The following MCTP1 variants were observed in gnomAD, a reference collection of about 807,000 sequenced individuals.
MCTP1 encodes the protein multiple C2 and transmembrane domain-containing protein 1.
MCTP1 carries 69 observed loss-of-function variants against 120.6 expected under a neutral mutation model. The observed-to-expected ratio is 0.57, with a 90% CI of 0.47 to 0.70. The LOEUF (loss-of-function observed/expected upper bound fraction) is 0.70, where lower values mean the gene tolerates loss of function less well. Ranked by LOEUF, MCTP1 falls within the 30% of genes least tolerant of loss-of-function variation. The pLI is 0.00. For synonymous variants in MCTP1, 529 were observed against 493.1 expected (o/e 1.07, Z -0.96); for missense variants, 1,203 against 1,248.8 (o/e 0.96, Z 0.55).
In MCTP1 at chr5:95,136,619, C is replaced by G. The variant is rs190348861; in HGVS notation, c.721-119135G>C. Among the ~76,000 whole-genome samples, 96 of 152,264 alleles carry G rather than the reference C, an allele frequency of 6.3e-4. 1 individual carries two copies. Among genetic ancestry groups the G allele is most frequent in the African/African-American group, 2.2e-3 (90 of 41,542 alleles). ...AGAGAGAAGAGTGAGAGAAGACGCTCTAGCTCACAATAGAGTTTACAATGT... is the reference window on the plus strand; with the variant it reads ...AGAGAGAAGAGTGAGAGAAGACGCTGTAGCTCACAATAGAGTTTACAATGT... On this transcript the variant is annotated intron_variant, in intron 1 of 22. Coordinates refer to ENST00000515393, the MANE Select transcript of MCTP1 (RefSeq NM_024717.7).
chr5:95,064,887 AT>A (rs1284412786), intron 1 of MCTP1, among the ~76,000 whole-genome samples: 2 of 152,382 alleles, frequency 1.3e-5, no homozygotes, highest in Admixed American at 1.3e-4. Context: ...CACTTCAAAA[AT>A]GATTTGGCAG....
At chr5:94,928,444 A>G (rs930765324) in intron 6 of MCTP1, among the ~76,000 whole-genome samples, 1 of 152,208 alleles carries the variant, frequency 6.6e-6, no homozygotes, top group African/African-American at 2.4e-5. Flanking sequence ...AGAATAAAAT[A>G]TTGCAATAAT....
intron 1 of MCTP1, among the ~76,000 whole-genome samples, chr5:95,049,541 T>C (rs530581302): frequency 9.9e-5 from 15 of 152,032 alleles, no homozygotes; most frequent in African/African-American, 3.6e-4. Context: ...ACTAAAAAAG[T>C]CTAAAATGCA....
At chr5:95,070,794 G>A (rs1461470316) in intron 1 of MCTP1, among the ~76,000 whole-genome samples, 1 of 152,196 alleles carries the variant, frequency 6.6e-6, no homozygotes, top group Non-Finnish European at 1.5e-5. Flanking sequence ...GCCTAAGAGG[G>A]ATTGCAGAGG....
Position 94,870,969 on chromosome 5 carries a change from T to C in MCTP1, c.2144A>G (p.Gln715Arg), listed in dbSNP as rs922397964. 6.2e-7 allele frequency: 1 copy of C among 1,612,662 alleles called. No homozygotes were observed. The change falls in exon 15 of 23, where the codon CAA becomes CGA. Residue 715 changes from glutamine (Q) to arginine (R), a missense_variant. This residue lies in a region of MCTP1 where 740 missense variants were observed against 871.1 expected (regional missense o/e 0.85). Transcript: ENST00000515393. The part of the protein sequence containing the change: ...GKVAIPLLSI[Q>R]NGEQKAYVLK... ...GACGTAGGCTTTCTGTTCACCATTT[T>C]GAATCTGCGGGAAAAGGACATGACA...
chr5:94,953,100 G>T (rs1403504040), intron 3 of MCTP1, 119 bp downstream of exon 3: 18 of 860,132 alleles, frequency 2.1e-5, no homozygotes, highest in Middle Eastern at 2.9e-4. Flanking sequence ...GATTAGAGTG[G>T]CGAAGAGCAG....
At chr5:94,909,526 G>A in intron 9 of MCTP1, 145 bp from the exon 10 acceptor site, 2 of 738,854 alleles carry the variant, frequency 2.7e-6, no homozygotes, top group Non-Finnish European at 2.1e-6. Flanking sequence ...AGAAATAATG[G>A]AAATAACTCA....
intron 1 of MCTP1, among the ~76,000 whole-genome samples, chr5:95,124,132 C>T (rs1363440485): frequency 6.6e-6 from 1 of 152,234 alleles, no homozygotes; most frequent in African/African-American, 2.4e-5. Flanking sequence ...CCCCAGCTGA[C>T]TAAGACCTTT....
At chr5:95,102,782 A>G (rs1384421940) in intron 1 of MCTP1, among the ~76,000 whole-genome samples, 1 of 152,232 alleles carries the variant, frequency 6.6e-6, no homozygotes, top group Non-Finnish European at 1.5e-5. Flanking sequence ...GAGGTGATAC[A>G]TTAGCTAAGA....
rs141726457 is a variant in MCTP1 at position 95,177,755 on chromosome 5, T to A, written c.720+106101A>T. Among the ~76,000 whole-genome samples the A allele has an allele frequency of 1.5e-3, 236 of 152,292 alleles. 1 individual carries two copies. Among genetic ancestry groups the A allele is most frequent in the African/African-American group, 5.5e-3 (230 of 41,556 alleles). ...ACCACAGTTAATGTACACTGACTGG[T>A]AACCAAAATTGGAATTTTGCTTGTG... On this transcript the variant is annotated intron_variant, in intron 1 of 22. Coordinates refer to ENST00000515393, the MANE Select transcript of MCTP1 (RefSeq NM_024717.7).
intron 3 of MCTP1, among the ~76,000 whole-genome samples, chr5:94,952,795 T>G (rs1431916141): frequency 6.6e-6 from 1 of 151,354 alleles, no homozygotes; most frequent in African/African-American, 2.4e-5. Context: ...CCCCATCACC[T>G]TCACCCTTCT....
intron 1 of MCTP1, among the ~76,000 whole-genome samples, chr5:95,106,440 T>C (rs1757090352): frequency 1.3e-5 from 2 of 152,168 alleles, no homozygotes. Context: ...AAGGGAGAAG[T>C]ACAATGTTCT....
intron 1 of MCTP1, among the ~76,000 whole-genome samples, chr5:95,161,499 A>G (rs560303124): frequency 3.9e-5 from 6 of 152,136 alleles, no homozygotes; most frequent in Admixed American, 6.6e-5. Flanking sequence ...TTCGGTTACG[A>G]GAAATAAGCT....
intron 1 of MCTP1, among the ~76,000 whole-genome samples, chr5:95,029,937 C>T (rs1428701057): frequency 6.6e-6 from 1 of 152,198 alleles, no homozygotes; most frequent in Non-Finnish European, 1.5e-5. Context: ...TTGGCAAGCA[C>T]AGCTTACACA....
At chr5:94,967,721 C>T (rs1825946877) in intron 2 of MCTP1, among the ~76,000 whole-genome samples, 1 of 152,164 alleles carries the variant, frequency 6.6e-6, no homozygotes, top group Non-Finnish European at 1.5e-5. Context: ...TATGATGGCG[C>T]AATATTTTAT....
intron 1 of MCTP1, among the ~76,000 whole-genome samples, chr5:95,163,871 C>A (rs1399494019): frequency 6.6e-6 from 1 of 152,082 alleles, no homozygotes; most frequent in African/African-American, 2.4e-5. Context: ...ATCACATTTT[C>A]TTTTAAGTCT....
At chr5:95,253,204 G>T (rs556094605) in intron 1 of MCTP1, among the ~76,000 whole-genome samples, 2 of 152,170 alleles carry the variant, frequency 1.3e-5, no homozygotes, top group African/African-American at 4.8e-5. Flanking sequence ...ACATAAGGTG[G>T]ATTTTCTTAG....
chr5:95,077,867 C>G (rs1753976875), intron 1 of MCTP1, among the ~76,000 whole-genome samples: 1 of 152,286 alleles, frequency 6.6e-6, no homozygotes, highest in African/African-American at 2.4e-5. Flanking sequence ...ACATTGAAAA[C>G]TATCAGACAA....
At chr5:94,758,990 AC>A (rs1770639988) in intron 19 of MCTP1, among the ~76,000 whole-genome samples, 1 of 152,142 alleles carries the variant, frequency 6.6e-6, no homozygotes, top group South Asian at 2.1e-4. Context: ...AGTAGAGAAA[AC>A]CTATGCTTGA....
Sources: gnomAD v4.1 joint callset for allele counts (sites outside exome capture counted in the v4.1 genomes callset) on GRCh38, gnomAD v4.1.1 for gene constraint, gnomAD v4.1.1 regional missense constraint, MANE v1.5 for transcripts, NCBI Gene and HGNC (gene_info 2026-07-23, HGNC 2026-07-21) for gene names.